Variants in MPDZ observed in about 807,000 individuals in gnomAD.
MPDZ encodes the protein multiple PDZ domain crumbs cell polarity complex component, also known as multiple PDZ domain protein.
MPDZ carries 234 observed loss-of-function variants against 239.1 expected under a neutral mutation model. The ratio of observed to expected loss-of-function variants is 0.98; its 90% CI spans 0.88 to 1.09. MPDZ has a LOEUF of 1.09. Among genes scored for constraint, MPDZ ranks in the 50% least tolerant of loss-of-function variants. The pLI, the probability that MPDZ is intolerant of heterozygous loss-of-function variation, is 0.00. For missense variants in MPDZ, 3,175 were observed against 2,510.0 expected (o/e 1.26, Z -5.66); for synonymous variants, 1,048 against 881.3 (o/e 1.19, Z -3.35).
chr9:13,226,754 C>G (rs996773226), intron 3 of MPDZ, among the ~76,000 whole-genome samples: 2 of 152,128 alleles, frequency 1.3e-5, no homozygotes, highest in African/African-American at 4.8e-5. Flanking sequence ...AATGCAAAAA[C>G]TCTCCAGTGG....
intron 12 of MPDZ, among the ~76,000 whole-genome samples, chr9:13,204,794 G>C (rs906543238): frequency 3.3e-5 from 5 of 152,148 alleles, no homozygotes; most frequent in East Asian, 1.9e-4. Context: ...AGTAAGAATA[G>C]ATTGACTCAG....
chr9:13,226,705 G>A (rs964031061), intron 3 of MPDZ, among the ~76,000 whole-genome samples: 1 of 152,074 alleles, frequency 6.6e-6, no homozygotes, highest in African/African-American at 2.4e-5. Context: ...ACACCCTGCT[G>A]TCATGAAGCT....
intron 3 of MPDZ, among the ~76,000 whole-genome samples, chr9:13,226,137 T>G (rs1461164636): frequency 6.6e-6 from 1 of 152,042 alleles, no homozygotes; most frequent in African/African-American, 2.4e-5. Context: ...GTATCAGAAG[T>G]GTGGGGCAGC....
At chr9:13,168,170 T>A (rs1287204090) in intron 22 of MPDZ, among the ~76,000 whole-genome samples, 196 bp downstream of exon 22, 3 of 152,140 alleles carry the variant, frequency 2.0e-5, no homozygotes, top group African/African-American at 7.2e-5. Context: ...TCCAAATTTT[T>A]AATACTGATA....
intron 17 of MPDZ, among the ~76,000 whole-genome samples, chr9:13,187,949 C>T (rs983118943): frequency 9.9e-5 from 15 of 152,032 alleles, no homozygotes; most frequent in African/African-American, 3.6e-4. Context: ...GGGAGCTATT[C>T]CCTGCCAGGA....
chr9:13,135,422 A>C (rs1452762508), intron 31 of MPDZ: 1 of 152,202 alleles, frequency 6.6e-6, no homozygotes, highest in Non-Finnish European at 1.5e-5. Context: ...TTCCAGCTTT[A>C]GTTCAGGTCC....
chr9:13,184,886 A>G (rs928950438), intron 18 of MPDZ, among the ~76,000 whole-genome samples: 3 of 152,036 alleles, frequency 2.0e-5, no homozygotes, highest in African/African-American at 7.2e-5. Context: ...AAGACCCAGG[A>G]CGCATATTAC....
At chr9:13,156,804 C>T (rs1338796895) in intron 24 of MPDZ, among the ~76,000 whole-genome samples, 22 of 152,148 alleles carry the variant, frequency 1.4e-4, no homozygotes, top group Admixed American at 1.4e-3. Context: ...TGCTACAAAA[C>T]AGTTTCATTT....
At chr9:13,216,888 C>T (rs1422893509) in intron 9 of MPDZ, 26 bp from the exon 10 acceptor site, 1 of 1,555,190 alleles carries the variant, frequency 6.4e-7, no homozygotes, top group Non-Finnish European at 8.8e-7. Flanking sequence ...GTTTATTTTT[C>T]ACAATTTTCA....
intron 12 of MPDZ, among the ~76,000 whole-genome samples, chr9:13,196,502 G>C (rs1373531849): frequency 6.6e-6 from 1 of 152,108 alleles, no homozygotes; most frequent in Non-Finnish European, 1.5e-5. Context: ...ATTTAAACGA[G>C]TAAGGACTCT....
chr9:13,264,028 A>C (rs966201667), intron 1 of MPDZ, among the ~76,000 whole-genome samples: 8 of 152,226 alleles, frequency 5.3e-5, no homozygotes, highest in Admixed American at 2.0e-4. Context: ...TGGTGAAAAT[A>C]GTATAGTATC....
At chr9:13,137,186 G>A (rs965519908) in intron 29 of MPDZ, among the ~76,000 whole-genome samples, 1 of 152,018 alleles carries the variant, frequency 6.6e-6, no homozygotes, top group African/African-American at 2.4e-5. Flanking sequence ...GTTCCTTACT[G>A]TCATATTTCC....
intron 32 of MPDZ, among the ~76,000 whole-genome samples, chr9:13,131,772 T>G (rs1032769884): frequency 6.6e-6 from 1 of 152,142 alleles, no homozygotes; most frequent in African/African-American, 2.4e-5. Flanking sequence ...AAGTCCCTAT[T>G]AAGTATTTCT....
At chr9:13,254,056 C>T (rs980780531) in intron 1 of MPDZ, among the ~76,000 whole-genome samples, 2 of 152,162 alleles carry the variant, frequency 1.3e-5, no homozygotes, top group African/African-American at 4.8e-5. Context: ...AATATGCTGC[C>T]TCTAGAAAGC....
rs779501527 is a variant in MPDZ at position 13,219,623 on chromosome 9, C to A, written c.1022G>T (p.Arg341Leu). The A allele has an allele frequency of 6.2e-7, 1 of 1,612,444 alleles. No homozygotes were observed. The highest frequency in any genetic ancestry group is 8.5e-7 in the Non-Finnish European group (1 of 1,179,142). Residue 341 changes from arginine (R) to leucine (L), a missense_variant, in exon 8 of 47, where the codon CGT becomes CTT. By Grantham distance (102) the Arg-to-Leu change is moderately radical. Coordinates refer to ENST00000319217, the MANE Select transcript of MPDZ (RefSeq NM_001378778.1). ...GATGCCCAAAGCAGTGGGTGCTGTA[C>A]GTTCTTCTATGGCACCTCTTGCAAT... ...LMIARGAIEE[R>L]TAPTALGITL...
intron 12 of MPDZ, among the ~76,000 whole-genome samples, chr9:13,198,586 C>T (rs1383967146): frequency 2.0e-5 from 3 of 151,806 alleles, no homozygotes; most frequent in African/African-American, 4.8e-5. Flanking sequence ...AGCTTTTTAG[C>T]TTGATGTGAT....
At chr9:13,210,138 G>A (rs965768260) in intron 10 of MPDZ, among the ~76,000 whole-genome samples, 1 of 149,086 alleles carries the variant, frequency 6.7e-6, no homozygotes, top group Non-Finnish European at 1.5e-5. Context: ...AAGATAAAAA[G>A]AAAAAAGATC....
intron 12 of MPDZ, among the ~76,000 whole-genome samples, chr9:13,201,391 C>T (rs1404208544): frequency 6.6e-6 from 1 of 151,510 alleles, no homozygotes; most frequent in African/African-American, 2.4e-5. Context: ...TATGATGTGC[C>T]TTGGGGATTT....
chr9:13,268,825 T>C (rs1334875897), intron 1 of MPDZ, among the ~76,000 whole-genome samples: 1 of 152,228 alleles, frequency 6.6e-6, no homozygotes, highest in African/African-American at 2.4e-5. Context: ...AATGTTTCCA[T>C]GGCCTCACTG....
Sources: allele counts gnomAD v4.1 joint callset (sites outside exome capture counted in the v4.1 genomes callset), GRCh38; gene constraint gnomAD v4.1.1; transcripts MANE v1.5; gene names NCBI Gene and HGNC (gene_info 2026-07-23, HGNC 2026-07-21).